TG: variants seen among roughly 807,000 people sequenced by gnomAD.
TG encodes the protein thyroglobulin, also known as thyroid hormones.
TG carries 270 observed loss-of-function variants against 324.7 expected under a neutral mutation model. That is an observed-to-expected ratio of 0.83 (90% confidence interval 0.75 to 0.92). The LOEUF (loss-of-function observed/expected upper bound fraction) is 0.92. Among genes scored for constraint, TG ranks in the 40% least tolerant of loss-of-function variants. The probability of loss-of-function intolerance (pLI) is 0.00; values close to 1 mark genes in which losing one functional copy is unlikely to be tolerated. For synonymous variants in TG, 1,401 were observed against 1,327.0 expected (o/e 1.06, Z -1.21); for missense variants, 3,591 against 3,456.4 (o/e 1.04, Z -0.98).
At chr8:133,059,319 A>T (rs1162716983) in intron 41 of TG, 1 of 358,760 alleles carries the variant, frequency 2.8e-6, no homozygotes, top group Non-Finnish European at 5.5e-6. Context: ...AGAATTATGG[A>T]CTAGGAATCT....
chr8:132,909,839 T>A (rs117108054), intron 18 of TG, among the ~76,000 whole-genome samples: 2,515 of 152,292 alleles, frequency 0.017, 29 homozygotes, highest in Non-Finnish European at 0.023. Context: ...CTGGGGTTAG[T>A]GGAGTTTTGA....
chr8:132,929,013 G>A (rs950443784), intron 22 of TG, 63 bp from the exon 23 acceptor site: 2 of 1,360,980 alleles, frequency 1.5e-6, no homozygotes, highest in Non-Finnish European at 2.1e-6. Context: ...CAGTCTTTAT[G>A]GCTTCTCTGC....
chr8:133,034,726 T>A (rs1346363152), intron 41 of TG, among the ~76,000 whole-genome samples: 1 of 152,178 alleles, frequency 6.6e-6, no homozygotes, highest in Non-Finnish European at 1.5e-5. Context: ...CACTCAGGGC[T>A]CTGGTTTCTT....
At chr8:132,918,620 G>C (rs1820711190) in intron 20 of TG, among the ~76,000 whole-genome samples, 1 of 152,130 alleles carries the variant, frequency 6.6e-6, no homozygotes, top group African/African-American at 2.4e-5. Context: ...GCCAGAGGGA[G>C]GTGGCTGGAT....
intron 41 of TG, among the ~76,000 whole-genome samples, chr8:133,081,177 G>A (rs182309661): frequency 6.6e-6 from 1 of 152,256 alleles, no homozygotes; most frequent in African/African-American, 2.4e-5. Context: ...CCAGATAGAG[G>A]TGCTTTTCTT....
At chr8:133,116,794 A>G (rs1000948777) in intron 45 of TG, 78 bp downstream of exon 45, 234 of 1,166,618 alleles carry the variant, frequency 2.0e-4, no homozygotes, top group Non-Finnish European at 2.6e-4. Context: ...GGGACACACC[A>G]CTTAACCCCT....
intron 35 of TG, among the ~76,000 whole-genome samples, chr8:133,010,851 C>G (rs981806616): frequency 6.6e-6 from 1 of 152,142 alleles, no homozygotes; most frequent in African/African-American, 2.4e-5. Flanking sequence ...ACAGCCACGT[C>G]CTACGTACAG....
At chr8:133,073,244 A>C (rs1246096337) in intron 41 of TG, 11 of 152,184 alleles carry the variant, frequency 7.2e-5, no homozygotes, top group Non-Finnish European at 2.9e-5. Flanking sequence ...TCTGATCTAG[A>C]TTGTAGATCT....
chr8:133,042,487 CT>C lies in TG; in HGVS notation c.7239+12474del, dbSNP rs374689902. 8.2e-3 allele frequency among the ~76,000 whole-genome samples: 1,219 copies of C among 148,478 alleles called. 9 individuals carry two copies. The highest frequency in any genetic ancestry group is 0.028 in the African/African-American group (1,128 of 40,640). On this transcript the variant is annotated intron_variant, in intron 41 of 47. Transcript: ENST00000220616. Reference sequence around the variant, plus strand: ...TAGGTGCCACATTTTTCACATGCATCTTTTTTTTTTAACTGGACTAGTGGCA... The same window carrying C: ...TAGGTGCCACATTTTTCACATGCATCTTTTTTTTTAACTGGACTAGTGGCA...
Position 133,050,770 on chromosome 8 carries a change from T to C in TG, c.7239+20747T>C, listed in dbSNP as rs773081289. 6.4e-6 allele frequency: 8 copies of C among 1,251,164 alleles called. No individual in the cohort carries two copies. The Admixed American group carries it at 1.3e-4, about 21-fold the overall frequency. 77.5% of individuals were successfully genotyped at this position (1,251,164 alleles called of 1,614,324 possible). A position where few individuals can be genotyped will look rare whatever the true frequency, so the allele number is the denominator to read the frequency against. On this transcript the variant is annotated intron_variant, in intron 41 of 47. Coordinates refer to ENST00000220616, the MANE Select transcript of TG (RefSeq NM_003235.5). Reference sequence around the variant, plus strand: ...TCAAATACTTTTCTCCCAAACCAAGTTTATCCTGCTTTGAAGATTGCACAA... The same window carrying C: ...TCAAATACTTTTCTCCCAAACCAAGCTTATCCTGCTTTGAAGATTGCACAA...
intron 25 of TG, 106 bp from the exon 26 acceptor site, chr8:132,941,245 G>T: frequency 7.5e-7 from 1 of 1,341,904 alleles, no homozygotes; most frequent in Middle Eastern, 1.8e-4. Context: ...GCTGCCTGGA[G>T]CACTGTTGCA....
intron 41 of TG, among the ~76,000 whole-genome samples, chr8:133,031,913 C>G (rs535287689): frequency 2.6e-5 from 4 of 152,310 alleles, no homozygotes; most frequent in Admixed American, 2.6e-4. Flanking sequence ...ACTGAGCCCT[C>G]TTTATATGGC....
rs185680039 is a variant in TG at position 132,973,916 on chromosome 8, G to C, written c.6199+1175G>C. On this transcript the variant is annotated intron_variant, in intron 34 of 47. Transcript: ENST00000220616. ...TGGCTCTTACTTAGCACTTGCCCTA[G>C]AAAATAGAGCCATGGACTGTCTGAT... Among the ~76,000 whole-genome samples, 37 of 150,440 alleles carry C rather than the reference G, an allele frequency of 2.5e-4. No individual in the cohort carries two copies. The East Asian group carries it at 7.0e-3, about 29-fold the overall frequency.
intron 14 of TG, among the ~76,000 whole-genome samples, chr8:132,899,864 A>C (rs758734522): frequency 4.6e-5 from 7 of 152,092 alleles, no homozygotes; most frequent in Non-Finnish European, 1.0e-4. Flanking sequence ...TCATTTCTGG[A>C]ATTAGTGAGG....
rs112072530 is a variant in TG at position 133,130,305 on chromosome 8, G to A, written c.7863-1507G>A. Among the ~76,000 whole-genome samples the A allele has an allele frequency of 1.3e-4, 20 of 152,296 alleles. No homozygotes were observed. In the East Asian group the frequency reaches 2.3e-3, roughly 18 times the overall value. On this transcript the variant is annotated intron_variant, in intron 45 of 47. Coordinates refer to ENST00000220616, the MANE Select transcript of TG (RefSeq NM_003235.5). The stretch of plus-strand genomic sequence containing the variant: ...CTATTGTAGTAACAGTTATACCCCC[G>A]CAAAATGTCCAAGTCCTAAACCCTG...
intron 35 of TG, among the ~76,000 whole-genome samples, chr8:133,007,091 G>A (rs1834077085): frequency 6.6e-6 from 1 of 152,076 alleles, no homozygotes; most frequent in Non-Finnish European, 1.5e-5. Flanking sequence ...TTTTAGTTTG[G>A]GATGATTTAT....
chr8:133,007,526 T>C (rs1265345249), intron 35 of TG, among the ~76,000 whole-genome samples: 1 of 151,942 alleles, frequency 6.6e-6, no homozygotes, highest in Non-Finnish European at 1.5e-5. Context: ...TGGAGGTAGG[T>C]TTTTAGTATT....
chr8:132,977,411 A>G (rs184032690), intron 34 of TG, among the ~76,000 whole-genome samples: 140 of 152,270 alleles, frequency 9.2e-4, no homozygotes, highest in Middle Eastern at 3.4e-3. Context: ...GTCATTTAGT[A>G]TAGTGACATC....
At chr8:132,964,826 G>A (rs1262605194) in intron 29 of TG, 8 of 694,640 alleles carry the variant, frequency 1.2e-5, no homozygotes, top group Admixed American at 4.1e-5. Flanking sequence ...ATGCAATGTG[G>A]ACAGGTGTCG....
Sources: allele counts gnomAD v4.1 joint callset (sites outside exome capture counted in the v4.1 genomes callset), GRCh38; gene constraint gnomAD v4.1.1; transcripts MANE v1.5; gene names NCBI Gene and HGNC (gene_info 2026-07-23, HGNC 2026-07-21).